Variants in MTMR8 observed in about 807,000 individuals in gnomAD.
MTMR8 encodes the protein myotubularin related protein 8.
A neutral mutation model predicts 39.3 loss-of-function variants in MTMR8; 65 were observed. That is an observed-to-expected ratio of 1.65 (90% CI 1.35 to 2.03). MTMR8 has a LOEUF of 2.03. Ranked by LOEUF, MTMR8 falls within the 30% of genes most tolerant of loss-of-function variation. The probability of loss-of-function intolerance (pLI) is 0.00; values close to 1 mark genes in which losing one functional copy is unlikely to be tolerated. For synonymous variants in MTMR8, 245 were observed against 185.2 expected, an observed-to-expected ratio of 1.32 and a Z score of -2.62; for missense variants, 777 against 538.9, an observed-to-expected ratio of 1.44 and a Z score of -4.37.
At chrX:64,302,557 G>C (rs1921932699) in intron 12 of MTMR8, among the ~76,000 whole-genome samples, 1 of 112,154 alleles carries the variant, frequency 8.9e-6, no homozygotes. Flanking sequence ...CTGTAGACCG[G>C]AGCTGTTCCT....
chrX:64,386,941 C>T (rs1364245092), intron 1 of MTMR8, among the ~76,000 whole-genome samples: 3 of 110,314 alleles, frequency 2.7e-5, no homozygotes, highest in Non-Finnish European at 5.7e-5. Flanking sequence ...TGGTCCCAGC[C>T]ACTCAGAAGG....
At chrX:64,311,630 C>T (rs1922302415) in intron 12 of MTMR8, among the ~76,000 whole-genome samples, 1 of 111,424 alleles carries the variant, frequency 9.0e-6, no homozygotes, top group Non-Finnish European at 1.9e-5. Context: ...GGTTTTAGTT[C>T]TAACATTTAA....
intron 12 of MTMR8, among the ~76,000 whole-genome samples, chrX:64,292,427 G>A (rs1921432741): frequency 9.0e-6 from 1 of 111,051 alleles, no homozygotes; most frequent in African/African-American, 3.3e-5. Flanking sequence ...GTTGGACCTC[G>A]CTGTTGGTTG....
intron 10 of MTMR8, among the ~76,000 whole-genome samples, chrX:64,332,598 TG>T (rs1922972088): frequency 8.9e-6 from 1 of 111,980 alleles, no homozygotes; most frequent in Non-Finnish European, 1.9e-5. Flanking sequence ...ACTTCCTTTA[TG>T]GGTCATGCTA....
chrX:64,314,765 A>G (rs894850760), intron 12 of MTMR8, among the ~76,000 whole-genome samples: 2 of 112,309 alleles, frequency 1.8e-5, no homozygotes, highest in African/African-American at 6.5e-5. Flanking sequence ...GCCCACAGGA[A>G]GCTGTATTGT....
chrX:64,357,942 G>A (rs140959585), intron 2 of MTMR8, among the ~76,000 whole-genome samples: 75 of 111,484 alleles, frequency 6.7e-4, no homozygotes, highest in Middle Eastern at 4.6e-3. Context: ...GCAGACTAAG[G>A]CTGGGAAGAA....
At chrX:64,302,501 T>C (rs1297360389) in intron 12 of MTMR8, among the ~76,000 whole-genome samples, 9 of 111,820 alleles carry the variant, frequency 8.0e-5, no homozygotes, top group Non-Finnish European at 1.7e-4. Context: ...GTACCTCAGA[T>C]GGAAATGCAG....
chrX:64,289,636 C>CAAAAAAAAAAAAAAAAAAAA lies in MTMR8; in HGVS notation c.1482-18583_1482-18564dup, dbSNP rs749879321. Among the ~76,000 whole-genome samples the CAAAAAAAAAAAAAAAAAAAA allele has an allele frequency of 1.0e-3, 27 of 26,402 alleles. 1 individual carries two copies. The highest frequency in any genetic ancestry group is 2.6e-3 in the African/African-American group (25 of 9,737). 22.9% of individuals were successfully genotyped at this position (26,402 alleles called of 115,157 possible). The stretch of plus-strand genomic sequence containing the variant: ...TGGGTGACAGAGTGAGACTCCATCG[C>CAAAAAAAAAAAAAAAAAAAA]AAAAAAAAAAAAAAAAAAAAAAAAA... On this transcript the variant is annotated intron_variant, in intron 12 of 13. Coordinates refer to ENST00000374852, the MANE Select transcript of MTMR8 (RefSeq NM_017677.4).
At chrX:64,331,425 TC>T in intron 11 of MTMR8, 131 bp downstream of exon 11, 2 of 533,715 alleles carry the variant, frequency 3.7e-6, no homozygotes, top group Non-Finnish European at 6.2e-6. Flanking sequence ...GCTTTATGCT[TC>T]AAAAGTTCTT....
At chrX:64,334,857 C>T (rs768497470) in intron 10 of MTMR8, among the ~76,000 whole-genome samples, 15 of 111,905 alleles carry the variant, frequency 1.3e-4, no homozygotes, top group East Asian at 5.6e-4. Flanking sequence ...AATGGATAAA[C>T]GTCCTTTGTT....
chrX:64,294,781 A>G (rs1034115244), intron 12 of MTMR8, among the ~76,000 whole-genome samples: 2 of 111,346 alleles, frequency 1.8e-5, no homozygotes, highest in Admixed American at 9.6e-5. Context: ...TTTATAAGGG[A>G]ACTAATCCCA....
chrX:64,274,051 G>A (rs964809478), intron 12 of MTMR8, among the ~76,000 whole-genome samples: 2 of 111,681 alleles, frequency 1.8e-5, no homozygotes, highest in Admixed American at 1.9e-4. Flanking sequence ...AGAACAATCA[G>A]AGAGGAAAAT....
chrX:64,288,181 CA>C (rs1443393158), intron 12 of MTMR8, among the ~76,000 whole-genome samples: 1 of 109,518 alleles, frequency 9.1e-6, no homozygotes, highest in Non-Finnish European at 1.9e-5. Flanking sequence ...ACAACCCCAT[CA>C]AAAAGTGGGT....
At chrX:64,329,913 T>C (rs1173804594) in intron 11 of MTMR8, among the ~76,000 whole-genome samples, 1 of 111,715 alleles carries the variant, frequency 9.0e-6, no homozygotes, top group African/African-American at 3.2e-5. Context: ...CCTCCTTAAA[T>C]TTTCCCAATA....
intron 1 of MTMR8, among the ~76,000 whole-genome samples, chrX:64,386,626 T>A (rs943753899): frequency 8.9e-6 from 1 of 111,993 alleles, no homozygotes; most frequent in Non-Finnish European, 1.9e-5. Context: ...GAACCATGGG[T>A]ATAAACCATT....
chrX:64,284,632 G>C (rs180948461), intron 12 of MTMR8, among the ~76,000 whole-genome samples: 188 of 112,038 alleles, frequency 1.7e-3, no homozygotes, highest in African/African-American at 5.9e-3. Flanking sequence ...TCTCTCAGCA[G>C]AAACTCTACA....
At chrX:64,278,280 G>A (rs1335415496) in intron 12 of MTMR8, among the ~76,000 whole-genome samples, 1 of 108,230 alleles carries the variant, frequency 9.2e-6, no homozygotes, top group Non-Finnish European at 1.9e-5. Flanking sequence ...TGCTGGTAAG[G>A]AGTTGTGATC....
chrX:64,371,961 T>C (rs1167082539), intron 1 of MTMR8, among the ~76,000 whole-genome samples: 3 of 109,108 alleles, frequency 2.7e-5, no homozygotes, highest in East Asian at 5.7e-4. Context: ...TTTAACATAA[T>C]AAATTTAAAA....
chrX:64,315,995 A>G (rs1461673424), intron 12 of MTMR8, among the ~76,000 whole-genome samples: 1 of 110,996 alleles, frequency 9.0e-6, no homozygotes, highest in Non-Finnish European at 1.9e-5. Flanking sequence ...ATAAGTTTGA[A>G]TGAAGTCTAC....
Sources: gnomAD v4.1 joint callset for allele counts (sites outside exome capture counted in the v4.1 genomes callset) on GRCh38, gnomAD v4.1.1 for gene constraint, MANE v1.5 for transcripts, NCBI Gene and HGNC (gene_info 2026-07-23, HGNC 2026-07-21) for gene names.